The following CNMD variants were observed in gnomAD, a reference collection of about 807,000 sequenced individuals.
CNMD encodes the protein leukocyte cell-derived chemotaxin 1.
CNMD carries 30 observed loss-of-function variants against 37.5 expected under a neutral mutation model. The ratio of observed to expected loss-of-function variants is 0.80; its 90% CI spans 0.60 to 1.09. CNMD has a LOEUF of 1.09. CNMD is among the 50% of genes least tolerant of loss of function. The pLI is 0.00. For missense variants in CNMD, 398 were observed against 423.9 expected (o/e 0.94, Z 0.54); for synonymous variants, 167 against 148.2 (o/e 1.13, Z -0.92).
Position 52,712,715 on chromosome 13 carries a change from C to A in CNMD, c.622+1G>T, listed in dbSNP as rs1964309157. On this transcript the variant is annotated splice_donor_variant, in intron 5 of 6. Coordinates refer to ENST00000377962, the MANE Select transcript of CNMD (RefSeq NM_007015.3). LOFTEE classifies it high-confidence loss of function. ...CAGCTTAAGATAATTTAAAATGTTA[C>A]CTTTTGGATAGGTTGGTTTAAGCCA... 1 of 1,494,028 alleles carries A rather than the reference C, an allele frequency of 6.7e-7. No individual in the cohort carries two copies. Among genetic ancestry groups the A allele is most frequent in the Admixed American group, 2.3e-5 (1 of 42,714 alleles). 92.5% of individuals were successfully genotyped at this position (1,494,028 alleles called of 1,614,324 possible).
intron 3 of CNMD, among the ~76,000 whole-genome samples, chr13:52,732,864 G>C (rs879258199): frequency 4.6e-5 from 7 of 152,002 alleles, no homozygotes; most frequent in Non-Finnish European, 7.4e-5. Flanking sequence ...TTTTCTTCCA[G>C]TTTTAAAAAT....
At chr13:52,710,461 C>A (rs890757832) in intron 5 of CNMD, among the ~76,000 whole-genome samples, 1 of 152,214 alleles carries the variant, frequency 6.6e-6, no homozygotes, top group African/African-American at 2.4e-5. Flanking sequence ...TCTCCCCGTT[C>A]CCCTCTGACC....
At position 52,708,574 on chromosome 13, in the gene CNMD, C is replaced by T. The variant is rs944388950; in HGVS notation, c.751G>A (p.Glu251Lys). 7 of 1,613,876 alleles carry T rather than the reference C, an allele frequency of 4.3e-6. No individual in the cohort carries two copies. The African/African-American group carries it at 9.3e-5, about 22-fold the overall frequency. The change falls in exon 6 of 7, where the codon GAG (glutamate) becomes AAG (lysine). Residue 251 changes from glutamate (E) to lysine (K), a missense_variant. Glu to Lys is a moderately conservative substitution (Grantham distance 56). Coordinates refer to ENST00000377962, the MANE Select transcript of CNMD (RefSeq NM_007015.3). ...TCAGGATTGAAGGCTTGTGAGTCCT[C>T]TTGAACACTGGGTCTGGTTTCATTA... ...LNNETRPSVQ[E>K]DSQAFNPDNP...
chr13:52,733,122 C>T, intron 3 of CNMD, 97 bp downstream of exon 3: 1 of 1,190,668 alleles, frequency 8.4e-7, no homozygotes, highest in East Asian at 2.3e-5. Flanking sequence ...GAACAGTTAC[C>T]ATTTGGATGT....
At chr13:52,723,710 A>C (rs1458656729) in intron 4 of CNMD, among the ~76,000 whole-genome samples, 1 of 151,998 alleles carries the variant, frequency 6.6e-6, no homozygotes, top group African/African-American at 2.4e-5. Context: ...CAGGCAGGTC[A>C]CTTGAGGCCA....
Position 52,703,442 on chromosome 13 carries a change from A to G in CNMD, c.*153T>C, listed in dbSNP as rs1481292708. The G allele has an allele frequency of 3.5e-6, 2 of 576,012 alleles. No homozygotes were observed. The highest frequency in any genetic ancestry group is 6.2e-6 in the Non-Finnish European group (2 of 324,172). The allele number at this position is 576,012 out of a possible 1,614,324, so 35.7% of individuals were successfully genotyped here. The stretch of plus-strand genomic sequence containing the variant: ...GCATATACTAAAGTTCTGGAAAACA[A>G]TTGAAAAAATTCTGTTAAGAGTGTC... On this transcript the variant is annotated 3_prime_UTR_variant, in exon 7 of 7. Transcript: ENST00000377962.
rs993798213 is a variant in CNMD, at chr13:52,712,723, A to G, written c.615T>C (p.Tyr205=). The G allele has an allele frequency of 2.0e-6, 3 of 1,512,814 alleles. No homozygotes were observed. Among genetic ancestry groups the G allele is most frequent in the East Asian group, 2.4e-5 (1 of 41,972 alleles). 93.7% of individuals were successfully genotyped at this position (1,512,814 alleles called of 1,614,324 possible). ...GATAATTTAAAATGTTACCTTTTGG[A>G]TAGGTTGGTTTAAGCCAGAAAATAG... is the stretch of plus-strand genomic sequence containing the variant. ...DLPIFWLKPT[Y]PKEIQRERRE... is the part of the protein sequence containing the mutation. Residue 205 remains tyrosine (Y), a synonymous_variant, in exon 5 of 7, where the codon TAT becomes TAC. Coordinates refer to ENST00000377962, the MANE Select transcript of CNMD (RefSeq NM_007015.3).
At chr13:52,716,419 T>C (rs2138237379) in intron 4 of CNMD, among the ~76,000 whole-genome samples, 2 of 152,364 alleles carry the variant, frequency 1.3e-5, no homozygotes, top group East Asian at 1.9e-4. Context: ...ATGAAGTCTT[T>C]GCCCATGCCT....
chr13:52,732,909 A>C (rs918127076), intron 3 of CNMD, among the ~76,000 whole-genome samples: 9 of 152,192 alleles, frequency 5.9e-5, no homozygotes, highest in African/African-American at 2.2e-4. Context: ...ACATACCTTT[A>C]ATTTCCTAGA....
At chr13:52,736,211 G>C (rs1418759983) in intron 2 of CNMD, among the ~76,000 whole-genome samples, 3 of 152,320 alleles carry the variant, frequency 2.0e-5, no homozygotes, top group Admixed American at 2.0e-4. Flanking sequence ...AGCCAGGATG[G>C]TCTCCATCTC....
At chr13:52,712,630 G>T in intron 5 of CNMD, 86 bp downstream of exon 5, 1 of 798,770 alleles carries the variant, frequency 1.3e-6, no homozygotes, top group Non-Finnish European at 1.8e-6. Flanking sequence ...TTGTTAACAT[G>T]CTCAGGCCTG....
intron 6 of CNMD, among the ~76,000 whole-genome samples, chr13:52,704,920 G>T (rs185586257): frequency 8.8e-6 from 1 of 113,154 alleles, no homozygotes; most frequent in East Asian, 2.7e-4. Flanking sequence ...TTAGCCAGGC[G>T]TGGTGGTGGA....
chr13:52,715,503 C>A (rs565113284), intron 4 of CNMD, among the ~76,000 whole-genome samples: 1 of 152,264 alleles, frequency 6.6e-6, no homozygotes, highest in African/African-American at 2.4e-5. Context: ...CTTCCCCTAG[C>A]ACTCCCACTC....
chr13:52,710,812 G>A (rs1964279418), intron 5 of CNMD, among the ~76,000 whole-genome samples: 1 of 152,110 alleles, frequency 6.6e-6, no homozygotes, highest in African/African-American at 2.4e-5. Flanking sequence ...TGTGGTGATT[G>A]AATACTTAAA....
At position 52,724,019 on chromosome 13, in the gene CNMD, T is replaced by C. The variant is rs764726191; in HGVS notation, c.446A>G (p.Lys149Arg). 2.5e-6 allele frequency: 4 copies of C among 1,613,356 alleles called. No individual in the cohort carries two copies. In the Admixed American group the frequency reaches 5.0e-5, roughly 20 times the overall value. ...CACCAGTTTGGAGGAGATGCTCTGT[T>C]TGGTCACGGCGCCCACCTCAGGAAT... ...ARIPEVGAVT[K>R]QSISSKLEGK... Residue 149 changes from lysine to arginine, a missense_variant, in exon 4 of 7, where the codon AAA becomes AGA. Transcript: ENST00000377962.
At chr13:52,730,390 A>G (rs1428505404) in intron 3 of CNMD, among the ~76,000 whole-genome samples, 1 of 152,050 alleles carries the variant, frequency 6.6e-6, no homozygotes, top group African/African-American at 2.4e-5. Context: ...TCCCTGAGTA[A>G]TCGCCACACT....
At chr13:52,704,461 A>ATATAGT (rs5803605) in intron 6 of CNMD, among the ~76,000 whole-genome samples, 150,998 of 152,130 alleles carry the variant, frequency 0.99, 74,939 homozygotes, top group East Asian at 1. Flanking sequence ...TTTTATGTAA[A>ATATAGT]TATATAAACA....
At chr13:52,733,578 T>A in intron 2 of CNMD, 1 of 622,978 alleles carries the variant, frequency 1.6e-6, no homozygotes, top group Non-Finnish European at 3.0e-6. Context: ...TTTGGTTGCC[T>A]CTGACACCTA....
At chr13:52,712,653 G>A in intron 5 of CNMD, 63 bp downstream of exon 5, 1 of 1,158,966 alleles carries the variant, frequency 8.6e-7, no homozygotes. Flanking sequence ...GAGGGGGTTG[G>A]AGGAACCTCA....
Sources: gnomAD v4.1 joint callset for allele counts (sites outside exome capture counted in the v4.1 genomes callset) on GRCh38, gnomAD v4.1.1 for gene constraint, MANE v1.5 for transcripts, NCBI Gene and HGNC (gene_info 2026-07-23, HGNC 2026-07-21) for gene names.